CHCHD3: variants seen among roughly 807,000 people sequenced by gnomAD.
CHCHD3 encodes the protein coiled-coil-helix-coiled-coil-helix domain containing 3, also known as MICOS complex subunit MIC19.
Under a neutral mutation model 38.2 loss-of-function variants are expected in CHCHD3, and 20 were observed. The observed-to-expected ratio is 0.52, with a 90% CI of 0.37 to 0.76. The LOEUF (loss-of-function observed/expected upper bound fraction) is 0.76, where lower values mean the gene tolerates loss of function less well. Ranked by LOEUF, CHCHD3 falls within the 30% of genes least tolerant of loss-of-function variation. The probability of loss-of-function intolerance (pLI) is 0.00; values close to 1 mark genes in which losing one functional copy is unlikely to be tolerated. For synonymous variants in CHCHD3, 82 were observed against 100.0 expected, an observed-to-expected ratio of 0.82 and a Z score of 1.07; for missense variants, 245 against 279.2, an observed-to-expected ratio of 0.88 and a Z score of 0.87.
intron 3 of CHCHD3, 28 bp from the exon 4 acceptor site, chr7:132,975,314 G>GA (rs1163272485): frequency 1.3e-6 from 2 of 1,543,546 alleles, no homozygotes; most frequent in Non-Finnish European, 1.8e-6. Context: ...GTCTAAGTTA[G>GA]AAAAAATATT....
At chr7:132,969,636 TAC>T (rs1811562208) in intron 4 of CHCHD3, among the ~76,000 whole-genome samples, 1 of 152,208 alleles carries the variant, frequency 6.6e-6, no homozygotes, top group African/African-American at 2.4e-5. Context: ...ATCCTAGTAA[TAC>T]TACCTCCCAA....
Position 133,001,422 on chromosome 7 carries a change from G to A in CHCHD3, c.251+23124C>T, listed in dbSNP as rs577805194. ...CCCTTGAAAATGATTATCTGAACAA[G>A]CAAAAAAGCAATATACAACAATCAA... is the stretch of plus-strand genomic sequence containing the variant. On this transcript the variant is annotated intron_variant, in intron 3 of 7. Transcript: ENST00000262570. Among the ~76,000 whole-genome samples, 140 of 152,164 alleles carry A rather than the reference G, an allele frequency of 9.2e-4. 3 individuals carry two copies. The highest frequency in any genetic ancestry group is 3.3e-3 in the African/African-American group (138 of 41,528).
At chr7:132,842,621 T>G (rs1807967338) in intron 5 of CHCHD3, among the ~76,000 whole-genome samples, 1 of 152,204 alleles carries the variant, frequency 6.6e-6, no homozygotes. Context: ...CAGTCTTCCT[T>G]CTCTGTTATG....
chr7:132,938,840 G>A (rs531359450), intron 4 of CHCHD3, among the ~76,000 whole-genome samples: 10 of 152,180 alleles, frequency 6.6e-5, no homozygotes, highest in Non-Finnish European at 7.4e-5. Flanking sequence ...ATGCGGCTGC[G>A]AGGTCTACAC....
chr7:132,831,265 T>C (rs1807642956), intron 6 of CHCHD3, among the ~76,000 whole-genome samples: 1 of 152,162 alleles, frequency 6.6e-6, no homozygotes, highest in Non-Finnish European at 1.5e-5. Context: ...AGAAACCAAG[T>C]CAACTTGATC....
intron 6 of CHCHD3, among the ~76,000 whole-genome samples, chr7:132,801,966 T>C (rs1806804982): frequency 6.6e-6 from 1 of 151,846 alleles, no homozygotes; most frequent in Non-Finnish European, 1.5e-5. Context: ...GGACCCTGAG[T>C]AAAAGCCCTA....
chr7:132,869,618 G>A (rs773712544), intron 5 of CHCHD3, among the ~76,000 whole-genome samples: 57 of 152,198 alleles, frequency 3.7e-4, no homozygotes, highest in Middle Eastern at 6.8e-3. Flanking sequence ...TCAGGATCTC[G>A]CTCTGTTGCC....
At chr7:132,975,062 G>A (rs1373147183) in intron 4 of CHCHD3, 107 bp downstream of exon 4, 6 of 868,610 alleles carry the variant, frequency 6.9e-6, no homozygotes, top group Non-Finnish European at 1.1e-5. Context: ...AAGAGAACAT[G>A]AATAATATTA....
At chr7:132,948,345 C>T (rs184801584) in intron 4 of CHCHD3, among the ~76,000 whole-genome samples, 158 of 151,950 alleles carry the variant, frequency 1.0e-3, no homozygotes, top group African/African-American at 3.6e-3. Context: ...TCATGCAACT[C>T]TTGATAGACA....
intron 5 of CHCHD3, among the ~76,000 whole-genome samples, chr7:132,841,787 G>T (rs1807945436): frequency 6.6e-6 from 1 of 152,166 alleles, no homozygotes; most frequent in African/African-American, 2.4e-5. Flanking sequence ...CGTGCAGCTA[G>T]TCATTACATT....
chr7:133,001,207 G>A (rs548696548), intron 3 of CHCHD3, among the ~76,000 whole-genome samples: 16 of 152,186 alleles, frequency 1.1e-4, no homozygotes, highest in Non-Finnish European at 1.5e-4. Flanking sequence ...ATATTTGTGT[G>A]CAAAGCCACT....
intron 7 of CHCHD3, among the ~76,000 whole-genome samples, chr7:132,787,803 G>A (rs1299138790): frequency 6.6e-6 from 1 of 151,846 alleles, no homozygotes; most frequent in Admixed American, 6.6e-5. Flanking sequence ...CAAAAGAACA[G>A]ATATAAAGGC....
intron 5 of CHCHD3, among the ~76,000 whole-genome samples, chr7:132,867,554 G>T (rs998998052): frequency 6.6e-6 from 1 of 152,142 alleles, no homozygotes; most frequent in African/African-American, 2.4e-5. Context: ...GCTGATTGTT[G>T]ATTGAAATCA....
intron 4 of CHCHD3, among the ~76,000 whole-genome samples, chr7:132,946,415 A>G (rs1810904877): frequency 2.0e-5 from 3 of 151,930 alleles, no homozygotes; most frequent in African/African-American, 7.2e-5. Context: ...CAGGAACATA[A>G]CTGAGAAGAG....
At chr7:132,917,335 A>G (rs1810131826) in intron 4 of CHCHD3, among the ~76,000 whole-genome samples, 1 of 152,230 alleles carries the variant, frequency 6.6e-6, no homozygotes, top group African/African-American at 2.4e-5. Flanking sequence ...TAACTAGAAA[A>G]GAGCCAGTCG....
chr7:132,852,419 T>C (rs1358133437), intron 5 of CHCHD3, among the ~76,000 whole-genome samples: 4 of 152,168 alleles, frequency 2.6e-5, no homozygotes, highest in Non-Finnish European at 5.9e-5. Flanking sequence ...GTCAATGCCA[T>C]GGGAGGGAGG....
intron 2 of CHCHD3, among the ~76,000 whole-genome samples, chr7:133,048,050 T>G (rs1273840730): frequency 6.6e-6 from 1 of 152,064 alleles, no homozygotes; most frequent in East Asian, 1.9e-4. Context: ...ATCACGCCAT[T>G]GCACTCCAGG....
intron 2 of CHCHD3, among the ~76,000 whole-genome samples, chr7:133,032,965 A>G (rs117691920): frequency 0.03 from 4,563 of 152,304 alleles, 91 homozygotes; most frequent in Non-Finnish European, 0.045. Flanking sequence ...AAACCACCCA[A>G]GCTCTTTTCC....
At chr7:132,835,540 G>A (rs902477877) in intron 6 of CHCHD3, among the ~76,000 whole-genome samples, 6 of 152,138 alleles carry the variant, frequency 3.9e-5, no homozygotes, top group Non-Finnish European at 5.9e-5. Context: ...TGTGCTTCCC[G>A]TGGCCTCTCG....
Sources: allele counts gnomAD v4.1 joint callset (sites outside exome capture counted in the v4.1 genomes callset), GRCh38; gene constraint gnomAD v4.1.1; transcripts MANE v1.5; gene names NCBI Gene and HGNC (gene_info 2026-07-23, HGNC 2026-07-21).